The following RABGAP1 variants were observed in gnomAD, a reference collection of about 807,000 sequenced individuals.
RABGAP1 encodes rab GTPase-activating protein 1.
Under a neutral mutation model 137.6 loss-of-function variants are expected in RABGAP1, and 23 were observed. The observed-to-expected ratio is 0.17, with a 90% CI of 0.12 to 0.24. The LOEUF (loss-of-function observed/expected upper bound fraction) is 0.24, where lower values mean the gene tolerates loss of function less well. Ranked by LOEUF, RABGAP1 falls within the 10% of genes least tolerant of loss-of-function variation. RABGAP1 has a pLI of 1.00. For missense variants in RABGAP1, 906 were observed against 1,275.8 expected, an observed-to-expected ratio of 0.71 and a Z score of 4.42; for synonymous variants, 451 against 450.7, an observed-to-expected ratio of 1.00 and a Z score of -0.01.
chr9:123,098,372 T>C (rs2035246092), intron 22 of RABGAP1, among the ~76,000 whole-genome samples: 1 of 152,200 alleles, frequency 6.6e-6, no homozygotes, highest in African/African-American at 2.4e-5. Flanking sequence ...ACAGAAACCA[T>C]GAGATGCTGA....
intron 13 of RABGAP1, among the ~76,000 whole-genome samples, chr9:123,025,644 C>G (rs2131954320): frequency 7.1e-6 from 1 of 141,724 alleles, no homozygotes; most frequent in East Asian, 2.1e-4. Context: ...TTAGCATGTT[C>G]ACACTACAGC....
At chr9:123,075,679 C>T (rs899229861) in intron 17 of RABGAP1, among the ~76,000 whole-genome samples, 2 of 152,208 alleles carry the variant, frequency 1.3e-5, no homozygotes, top group Non-Finnish European at 2.9e-5. Context: ...AAGTAATTTA[C>T]ATAAACTTTT....
rs527917594 is a variant in RABGAP1, at chr9:123,000,528, T to C, written c.1374+1762T>C. ...ATTACTTTCTTTTCCTTACTTTCTT[T>C]TCCTTAAAGCTCCTCTTTATCTTGG... is the stretch of plus-strand genomic sequence containing the variant. On this transcript the variant is annotated intron_variant, in intron 10 of 25. Transcript: ENST00000373647. Among the ~76,000 whole-genome samples the C allele has an allele frequency of 1.1e-4, 16 of 152,310 alleles. No homozygotes were observed. In the East Asian group the frequency reaches 3.1e-3, roughly 29 times the overall value.
At chr9:123,034,690 A>C in intron 13 of RABGAP1, 1 of 1,613,204 alleles carries the variant, frequency 6.2e-7, no homozygotes, top group Non-Finnish European at 8.5e-7. Flanking sequence ...AACTGTATTG[A>C]TTATTTCTGG....
intron 6 of RABGAP1, chr9:122,990,540 C>T (rs1025353863): frequency 7.4e-5 from 12 of 161,228 alleles, no homozygotes; most frequent in South Asian, 3.1e-4. Context: ...GTGGCTGAGG[C>T]GGACGGATCA....
chr9:123,004,728 C>T (rs1341713383), intron 10 of RABGAP1, among the ~76,000 whole-genome samples: 2 of 151,918 alleles, frequency 1.3e-5, no homozygotes, highest in Admixed American at 1.3e-4. Flanking sequence ...TTTACAGTAA[C>T]AGTAAATAAT....
chr9:122,990,185 A>G lies in RABGAP1; in HGVS notation c.895A>G (p.Lys299Glu). 1 of 1,610,144 alleles carries G rather than the reference A, an allele frequency of 6.2e-7. No homozygotes were observed. The highest frequency in any genetic ancestry group is 8.5e-7 in the Non-Finnish European group (1 of 1,176,872). The change falls in exon 6 of 26, where the codon AAA becomes GAA. Residue 299 changes from lysine to glutamate, a missense_variant. Lys to Glu is a moderately conservative substitution (Grantham distance 56, BLOSUM62 1). Around this residue, in one of 9 missense-constraint regions of RABGAP1, gnomAD observed 331 missense variants for 358.3 expected, o/e 0.92. Transcript: ENST00000373647. The part of the protein sequence containing the change: ...IFTFSVSLEI[K>E]EDDGKGYFSA... ...TACCTTCTCTGTGTCTTTAGAAATA[A>G]AAGAAGATGATGGTAAAGGTTATTT...
At chr9:123,010,766 A>G (rs1386784805) in intron 11 of RABGAP1, among the ~76,000 whole-genome samples, 3 of 152,180 alleles carry the variant, frequency 2.0e-5, no homozygotes, top group African/African-American at 7.2e-5. Context: ...CTCCTTTTAA[A>G]CAATCAGTGT....
intron 2 of RABGAP1, among the ~76,000 whole-genome samples, chr9:122,976,810 A>G (rs971968353): frequency 6.6e-6 from 1 of 152,222 alleles, no homozygotes; most frequent in Admixed American, 6.5e-5. Flanking sequence ...TGCTAATATT[A>G]TGGTAGCCCT....
At chr9:123,025,908 A>G (rs2031931985) in intron 13 of RABGAP1, among the ~76,000 whole-genome samples, 1 of 151,994 alleles carries the variant, frequency 6.6e-6, no homozygotes, top group African/African-American at 2.4e-5. Context: ...AAGCATTAAG[A>G]CAATGTTAAA....
chr9:123,010,578 A>G, intron 11 of RABGAP1, 50 bp downstream of exon 11: 3 of 1,516,368 alleles, frequency 2.0e-6, no homozygotes, highest in Non-Finnish European at 2.7e-6. Context: ...AAGACCATGC[A>G]AACTATTAAA....
rs771674045 is a variant in RABGAP1 at position 122,957,160 on chromosome 9, A to G, written c.101A>G (p.Glu34Gly). 1.8e-5 allele frequency: 28 copies of G among 1,571,722 alleles called. No homozygotes were observed. Among genetic ancestry groups the G allele is most frequent in the Non-Finnish European group, 2.3e-5 (26 of 1,150,552 alleles). ...DFVLVSRQGD[E>G]TPSTNNGSDD... ...GTCTTGGTTTCCAGGCAAGGAGATG[A>G]GACACCATCTACAAATAATGGAAGT... The change falls in exon 2 of 26, where the codon GAG becomes GGG. Residue 34 changes from glutamate to glycine, a missense_variant. Physicochemically the swap from Glu to Gly is moderately conservative, Grantham distance 98. Coordinates refer to ENST00000373647, the MANE Select transcript of RABGAP1 (RefSeq NM_012197.4).
chr9:123,055,560 T>G (rs2132077721), intron 13 of RABGAP1, among the ~76,000 whole-genome samples: 1 of 149,088 alleles, frequency 6.7e-6, no homozygotes, highest in South Asian at 2.2e-4. Flanking sequence ...TTTTTTTTTT[T>G]TTTTTTGAGA....
chr9:123,029,249 C>A, intron 13 of RABGAP1: 1 of 474,434 alleles, frequency 2.1e-6, no homozygotes, highest in Non-Finnish European at 3.8e-6. Context: ...TTTGGAATGA[C>A]AGTTACATAA....
chr9:123,061,075 C>T (rs2033952789), intron 13 of RABGAP1, among the ~76,000 whole-genome samples: 1 of 152,150 alleles, frequency 6.6e-6, no homozygotes, highest in African/African-American at 2.4e-5. Context: ...ACCTCAGGGC[C>T]AGGTTCAGTT....
intron 19 of RABGAP1, among the ~76,000 whole-genome samples, chr9:123,077,264 C>T (rs925433976): frequency 7.2e-5 from 11 of 151,846 alleles, no homozygotes; most frequent in Non-Finnish European, 1.5e-4. Context: ...GTCCTCTCAC[C>T]TCAGCCTCCT....
chr9:122,990,787 AAAAAAAAAAATATATATATATAT>A (rs1392421932), intron 6 of RABGAP1: 3 of 69,064 alleles, frequency 4.3e-5, no homozygotes, highest in Admixed American at 2.0e-4. Context: ...AAAAAAAAAA[AAAAAAAAAAATATATATATATAT>A]ATATATATAT....
chr9:123,059,549 C>T (rs1047908196), intron 13 of RABGAP1, among the ~76,000 whole-genome samples: 4 of 151,826 alleles, frequency 2.6e-5, no homozygotes, highest in South Asian at 4.1e-4. Context: ...AGCGATACTC[C>T]GTCTCAAAAT....
chr9:122,991,442 T>C (rs574300793), intron 6 of RABGAP1, among the ~76,000 whole-genome samples: 1 of 152,298 alleles, frequency 6.6e-6, no homozygotes, highest in East Asian at 1.9e-4. Flanking sequence ...GTTTATTAGA[T>C]TATTAGAAAA....
Sources: gnomAD v4.1 joint callset for allele counts (sites outside exome capture counted in the v4.1 genomes callset) on GRCh38, gnomAD v4.1.1 for gene constraint, gnomAD v4.1.1 regional missense constraint, MANE v1.5 for transcripts, NCBI Gene and HGNC (gene_info 2026-07-23, HGNC 2026-07-21) for gene names.